Variants in SLC25A26 observed in about 807,000 individuals in gnomAD.
SLC25A26 encodes mitochondrial S-adenosylmethionine carrier protein.
A neutral mutation model predicts 37.8 loss-of-function variants in SLC25A26; 36 were observed. The ratio of observed to expected loss-of-function variants is 0.95; its 90% CI spans 0.73 to 1.26. The LOEUF (loss-of-function observed/expected upper bound fraction) is 1.26. Among genes scored for constraint, SLC25A26 ranks in the 50% most tolerant of loss-of-function variants. The probability of loss-of-function intolerance (pLI) is 0.00; values close to 1 mark genes in which losing one functional copy is unlikely to be tolerated. For missense variants in SLC25A26, 390 were observed against 331.1 expected, an observed-to-expected ratio of 1.18 and a Z score of -1.38; for synonymous variants, 129 against 122.5, an observed-to-expected ratio of 1.05 and a Z score of -0.35.
At chr3:66,196,592 C>G (rs1007054119) in intron 1 of SLC25A26, among the ~76,000 whole-genome samples, 4 of 152,022 alleles carry the variant, frequency 2.6e-5, no homozygotes, top group African/African-American at 9.7e-5. Flanking sequence ...ATATACAACA[C>G]ATTATTAAAT....
At chr3:66,314,988 A>G (rs2075492417) in intron 5 of SLC25A26, among the ~76,000 whole-genome samples, 1 of 146,224 alleles carries the variant, frequency 6.8e-6, no homozygotes, top group Admixed American at 6.8e-5. Flanking sequence ...ATCACTTTTT[A>G]TTGTGTCTAT....
intron 1 of SLC25A26, among the ~76,000 whole-genome samples, chr3:66,142,540 G>A (rs2070051578): frequency 6.6e-6 from 1 of 152,124 alleles, no homozygotes; most frequent in South Asian, 2.1e-4. Context: ...TGTCTCTAAG[G>A]ACACAGGAAC....
chr3:66,353,111 TCC>T (rs2076497192), intron 6 of SLC25A26, among the ~76,000 whole-genome samples: 2 of 152,166 alleles, frequency 1.3e-5, no homozygotes, highest in Admixed American at 1.3e-4. Flanking sequence ...CTTGTTGTTA[TCC>T]CCACCTTAAA....
chr3:66,183,579 T>A (rs2070758663), intron 1 of SLC25A26, among the ~76,000 whole-genome samples: 1 of 152,000 alleles, frequency 6.6e-6, no homozygotes, highest in African/African-American at 2.4e-5. Flanking sequence ...GACATATACC[T>A]CACACTCCTT....
chr3:66,355,282 C>G (rs781486854), intron 6 of SLC25A26, among the ~76,000 whole-genome samples: 19 of 151,882 alleles, frequency 1.3e-4, no homozygotes, highest in Non-Finnish European at 2.4e-4. Context: ...ACCGACTTAT[C>G]TAGAATGCAA....
chr3:66,148,203 G>A (rs746202079), intron 1 of SLC25A26, among the ~76,000 whole-genome samples: 23 of 152,246 alleles, frequency 1.5e-4, no homozygotes, highest in Middle Eastern at 6.8e-3. Flanking sequence ...TTTGAGAAAT[G>A]TCTATTCATT....
chr3:66,245,999 C>T (rs2072820517), intron 3 of SLC25A26, among the ~76,000 whole-genome samples: 1 of 152,182 alleles, frequency 6.6e-6, no homozygotes, highest in Non-Finnish European at 1.5e-5. Context: ...CCTAGGCAAC[C>T]ACTGGTCTAC....
chr3:66,270,386 A>G (rs1490676429), intron 5 of SLC25A26, among the ~76,000 whole-genome samples: 1 of 152,218 alleles, frequency 6.6e-6, no homozygotes, highest in Non-Finnish European at 1.5e-5. Context: ...ATTGAACCCT[A>G]TTTTAATCCT....
chr3:66,197,508 T>TGGGGTC (rs1181500995), intron 1 of SLC25A26, among the ~76,000 whole-genome samples: 1 of 152,006 alleles, frequency 6.6e-6, no homozygotes, highest in Non-Finnish European at 1.5e-5. Flanking sequence ...AGATCAGGGA[T>TGGGGTC]GGGGTCAGGG....
chr3:66,201,159 C>T (rs1040432125), intron 1 of SLC25A26, among the ~76,000 whole-genome samples: 1 of 151,522 alleles, frequency 6.6e-6, no homozygotes, highest in African/African-American at 2.4e-5. Context: ...AGAAATGAGG[C>T]AAATAAGTTA....
At chr3:66,181,187 A>C (rs2070699353) in intron 1 of SLC25A26, among the ~76,000 whole-genome samples, 1 of 152,234 alleles carries the variant, frequency 6.6e-6, no homozygotes, top group African/African-American at 2.4e-5. Context: ...ACTGAAAGGC[A>C]GATTGAAGTT....
chr3:66,369,061 AAC>A lies in SLC25A26; in HGVS notation c.569-415_569-414del, dbSNP rs1559746531. ...AAAAAAAACAAAAACAAAAAAAAAA[AAC>A]AAAAGACAGTGGCCTATAGAAAGTC... On this transcript the variant is annotated intron_variant, in intron 7 of 9. Coordinates refer to ENST00000354883, the MANE Select transcript of SLC25A26 (RefSeq NM_001379210.1). 6.4e-3 allele frequency among the ~76,000 whole-genome samples: 178 copies of A among 27,982 alleles called. 12 individuals are homozygous for A. The highest frequency in any genetic ancestry group is 0.021 in the African/African-American group (124 of 5,902). 18.4% of individuals were successfully genotyped at this position (27,982 alleles called of 152,430 possible). A position where few individuals can be genotyped will look rare whatever the true frequency, so the allele number is the denominator to read the frequency against.
At chr3:66,337,642 A>G (rs187356758) in intron 5 of SLC25A26, among the ~76,000 whole-genome samples, 1 of 152,240 alleles carries the variant, frequency 6.6e-6, no homozygotes, top group East Asian at 1.9e-4. Flanking sequence ...GATTTATTCC[A>G]AATTGTTAAT....
intron 6 of SLC25A26, among the ~76,000 whole-genome samples, chr3:66,348,353 A>G (rs992885065): frequency 7.9e-5 from 12 of 152,228 alleles, no homozygotes; most frequent in African/African-American, 1.9e-4. Context: ...TAAGACCTCA[A>G]TGAATGTTAT....
At chr3:66,348,624 A>C (rs925691099) in intron 6 of SLC25A26, among the ~76,000 whole-genome samples, 2 of 152,236 alleles carry the variant, frequency 1.3e-5, no homozygotes, top group African/African-American at 4.8e-5. Context: ...ACTTGGAAAT[A>C]AATTGTTGAG....
At chr3:66,225,960 A>C (rs1319468930) in intron 1 of SLC25A26, among the ~76,000 whole-genome samples, 1 of 152,192 alleles carries the variant, frequency 6.6e-6, no homozygotes, top group African/African-American at 2.4e-5. Context: ...ACAAGTCTCT[A>C]GGAAGTTCCA....
intron 9 of SLC25A26, among the ~76,000 whole-genome samples, chr3:66,376,078 C>T (rs1700633796): frequency 6.7e-6 from 1 of 149,418 alleles, no homozygotes; most frequent in Non-Finnish European, 1.5e-5. Flanking sequence ...AATGGCAAGA[C>T]CACCGTAGTC....
intron 5 of SLC25A26, among the ~76,000 whole-genome samples, chr3:66,269,098 C>T (rs548050318): frequency 1.3e-5 from 2 of 152,338 alleles, no homozygotes; most frequent in East Asian, 3.9e-4. Flanking sequence ...TTTACTTAAT[C>T]TGAGTCCAGG....
chr3:66,360,124 T>C lies in SLC25A26; in HGVS notation c.499-2736T>C, dbSNP rs538778379. 2.3e-4 allele frequency among the ~76,000 whole-genome samples: 35 copies of C among 152,300 alleles called. 1 individual carries two copies. The highest frequency in any genetic ancestry group is 4.9e-4 in the Non-Finnish European group (33 of 67,998). On this transcript the variant is annotated intron_variant, in intron 6 of 9. Coordinates refer to ENST00000354883, the MANE Select transcript of SLC25A26 (RefSeq NM_001379210.1). ...TTGTACCTAATGAATTTCTATGGCA[T>C]CTTCTTCATCCCCTCAGTGACCCTC...
Sources: allele counts gnomAD v4.1 joint callset (sites outside exome capture counted in the v4.1 genomes callset), GRCh38; gene constraint gnomAD v4.1.1; transcripts MANE v1.5; gene names NCBI Gene and HGNC (gene_info 2026-07-23, HGNC 2026-07-21).